The following PALM2AKAP2 variants were observed in gnomAD, a reference collection of about 807,000 sequenced individuals.
PALM2AKAP2 encodes the protein PALM2-AKAP2 fusion protein.
A neutral mutation model predicts 71.5 loss-of-function variants in PALM2AKAP2; 37 were observed. That is an observed-to-expected ratio of 0.52 (90% CI 0.40 to 0.68). The LOEUF (loss-of-function observed/expected upper bound fraction) is 0.68. Ranked by LOEUF, PALM2AKAP2 falls within the 30% of genes least tolerant of loss-of-function variation. The pLI is 0.00. For synonymous variants in PALM2AKAP2, 468 were observed against 478.8 expected (o/e 0.98, Z 0.29); for missense variants, 1,224 against 1,191.8 (o/e 1.03, Z -0.40).
chr9:109,886,412 G>A (rs1238156677), intron 3 of PALM2AKAP2, among the ~76,000 whole-genome samples: 1 of 152,094 alleles, frequency 6.6e-6, no homozygotes, highest in Non-Finnish European at 1.5e-5. Flanking sequence ...CATTTCACTG[G>A]GTTTTACTAA....
At position 109,703,074 on chromosome 9, in the gene PALM2AKAP2, C is replaced by T. The variant is rs1030129954; in HGVS notation, c.5+62208C>T. On this transcript the variant is annotated intron_variant, in intron 1 of 6. Transcript: ENST00000374531. The stretch of plus-strand genomic sequence containing the variant: ...CCTCAAGTGATCTGCCCGCCTCGGC[C>T]TCTCAAAGTGCTGGAATTATAGGCG... 5.3e-5 allele frequency among the ~76,000 whole-genome samples: 8 copies of T among 152,154 alleles called. 1 individual carries two copies. The highest frequency in any genetic ancestry group is 1.9e-4 in the African/African-American group (8 of 41,446).
intron 1 of PALM2AKAP2, among the ~76,000 whole-genome samples, chr9:109,671,295 G>A (rs964652116): frequency 6.6e-6 from 1 of 152,182 alleles, no homozygotes; most frequent in Admixed American, 6.5e-5. Context: ...GTATAAGAAA[G>A]GGATCAAGTT....
intron 6 of PALM2AKAP2, among the ~76,000 whole-genome samples, chr9:110,008,830 A>G (rs1455963549): frequency 6.7e-6 from 1 of 149,894 alleles, no homozygotes; most frequent in African/African-American, 2.4e-5. Flanking sequence ...TCATGTGACC[A>G]GTTCTGGCCA....
At chr9:109,948,341 G>T (rs756791400) in intron 6 of PALM2AKAP2, among the ~76,000 whole-genome samples, 29 of 152,132 alleles carry the variant, frequency 1.9e-4, no homozygotes, top group Non-Finnish European at 4.1e-4. Context: ...TATAACTCAA[G>T]TAAGCCTCTG....
intron 1 of PALM2AKAP2, among the ~76,000 whole-genome samples, chr9:109,756,111 A>T (rs1371047796): frequency 2.6e-5 from 4 of 152,160 alleles, no homozygotes; most frequent in Non-Finnish European, 5.9e-5. Flanking sequence ...TTTGATTCAC[A>T]TCACCAAATG....
chr9:110,165,550 G>C (rs1564343914), intron 3 of PALM2AKAP2, among the ~76,000 whole-genome samples: 1 of 152,064 alleles, frequency 6.6e-6, no homozygotes. Flanking sequence ...GAAATTTATT[G>C]TATGGCCATG....
intron 6 of PALM2AKAP2, among the ~76,000 whole-genome samples, chr9:109,948,892 G>A (rs965376690): frequency 2.0e-5 from 3 of 152,184 alleles, no homozygotes; most frequent in African/African-American, 4.8e-5. Context: ...ACAAAAAATA[G>A]TACTGATGTG....
intron 1 of PALM2AKAP2, among the ~76,000 whole-genome samples, chr9:110,107,858 A>G (rs1257254363): frequency 6.6e-6 from 1 of 152,128 alleles, no homozygotes; most frequent in African/African-American, 2.4e-5. Context: ...ATGAGCCACC[A>G]TGCCCTACCA....
Position 110,058,031 on chromosome 9 carries a change from C to T in PALM2AKAP2, c.156+9176C>T, listed in dbSNP as rs760012570. Among the ~76,000 whole-genome samples the T allele has an allele frequency of 7.2e-5, 11 of 152,222 alleles. No individual in the cohort carries two copies. In the East Asian group the frequency reaches 1.7e-3, roughly 24 times the overall value. On this transcript the variant is annotated intron_variant, in intron 1 of 3. Transcript: ENST00000374525. ...GGTAGAGACCAGGGATGCAGCTAAA[C>T]GCTCTATAACACACAGGACACCCCC...
rs1414559955 is a variant in PALM2AKAP2, at chr9:109,908,948, T to C, written c.258-14787T>C. ...GAGAGGAATGCACCACATAAACAATTTTCACAATCTGGTATGAAAGCCCAG... is the reference window on the plus strand; with the variant it reads ...GAGAGGAATGCACCACATAAACAATCTTCACAATCTGGTATGAAAGCCCAG... On this transcript the variant is annotated intron_variant, in intron 3 of 9. Transcript: ENST00000302798. Among the ~76,000 whole-genome samples, 4 of 152,052 alleles carry C rather than the reference T, an allele frequency of 2.6e-5. No homozygotes were observed. In the East Asian group the frequency reaches 7.7e-4, roughly 29 times the overall value.
At chr9:110,074,808 G>T (rs140246889) in intron 1 of PALM2AKAP2, among the ~76,000 whole-genome samples, 9 of 152,108 alleles carry the variant, frequency 5.9e-5, no homozygotes, top group African/African-American at 2.2e-4. Context: ...TTCGAGACCA[G>T]CCTGGCCAAC....
intron 1 of PALM2AKAP2, among the ~76,000 whole-genome samples, chr9:109,747,233 G>A (rs144151514): frequency 6.6e-6 from 1 of 152,246 alleles, no homozygotes; most frequent in East Asian, 1.9e-4. Flanking sequence ...ATTTCTCTTT[G>A]CCCTTGTCTT....
chr9:109,787,463 G>C (rs1827000964), intron 1 of PALM2AKAP2, among the ~76,000 whole-genome samples: 1 of 152,196 alleles, frequency 6.6e-6, no homozygotes, highest in African/African-American at 2.4e-5. Context: ...GATAAATGTT[G>C]TAACTCCTGA....
At chr9:110,136,644 C>G (rs760511732) in exon 2 of PALM2AKAP2, 6 of 1,614,126 alleles carry the variant, frequency 3.7e-6, no homozygotes, top group Non-Finnish European at 3.4e-6. Context: ...GGCCATTCCC[C>G]CAGCCAGCCT....
intron 6 of PALM2AKAP2, among the ~76,000 whole-genome samples, chr9:109,983,289 T>A (rs1832309922): frequency 6.6e-6 from 1 of 152,232 alleles, no homozygotes; most frequent in African/African-American, 2.4e-5. Flanking sequence ...TTTTGCTGAT[T>A]ATGTAGTATA....
intron 3 of PALM2AKAP2, among the ~76,000 whole-genome samples, chr9:109,885,164 T>C (rs1250229636): frequency 6.6e-6 from 1 of 152,236 alleles, no homozygotes; most frequent in African/African-American, 2.4e-5. Context: ...GTACAAGAAG[T>C]TCCAGGTTTA....
intron 1 of PALM2AKAP2, among the ~76,000 whole-genome samples, chr9:110,129,038 A>G (rs142958479): frequency 2.0e-5 from 3 of 152,234 alleles, no homozygotes; most frequent in Admixed American, 2.0e-4. Context: ...TCATAATGAC[A>G]TGGACATGGG....
At chr9:109,827,858 CA>C (rs1828195377) in intron 1 of PALM2AKAP2, among the ~76,000 whole-genome samples, 1 of 152,078 alleles carries the variant, frequency 6.6e-6, no homozygotes, top group Non-Finnish European at 1.5e-5. Flanking sequence ...TGTAAAACTT[CA>C]GTTTAAAAAC....
intron 3 of PALM2AKAP2, among the ~76,000 whole-genome samples, chr9:109,923,404 A>T (rs1406845614): frequency 6.6e-6 from 1 of 152,232 alleles, no homozygotes; most frequent in Non-Finnish European, 1.5e-5. Flanking sequence ...TTCTGATGTT[A>T]TGTCCTATGC....
Sources: gnomAD v4.1 joint callset for allele counts (sites outside exome capture counted in the v4.1 genomes callset) on GRCh38, gnomAD v4.1.1 for gene constraint, MANE v1.5 for transcripts, NCBI Gene and HGNC (gene_info 2026-07-23, HGNC 2026-07-21) for gene names.